Variants in TVP23A observed in about 807,000 individuals in gnomAD.
TVP23A encodes the protein trans-golgi network vesicle protein 23 homolog A.
A neutral mutation model predicts 31.7 loss-of-function variants in TVP23A; 21 were observed. The observed-to-expected ratio is 0.66, with a 90% confidence interval of 0.47 to 0.95. TVP23A has a LOEUF of 0.95. Ranked by LOEUF, TVP23A falls within the 40% of genes least tolerant of loss-of-function variation. The pLI, the probability that TVP23A is intolerant of heterozygous loss-of-function variation, is 0.00. For missense variants in TVP23A, 279 were observed against 255.6 expected (o/e 1.09, Z -0.62); for synonymous variants, 104 against 96.0 (o/e 1.08, Z -0.49).
At chr16:10,789,480 C>T (rs1165948839) in intron 2 of TVP23A, among the ~76,000 whole-genome samples, 2 of 152,008 alleles carry the variant, frequency 1.3e-5, no homozygotes, top group South Asian at 2.1e-4. Flanking sequence ...GGTTGGGGTA[C>T]AGCCTGGTTT....
chr16:10,803,960 T>C (rs150802174), intron 2 of TVP23A, among the ~76,000 whole-genome samples: 2 of 152,240 alleles, frequency 1.3e-5, no homozygotes, highest in Non-Finnish European at 2.9e-5. Flanking sequence ...GGGGTGAATT[T>C]TGAATTCATG....
rs2030985822 is a variant in TVP23A at position 10,767,039 on chromosome 16, T to C, written c.*2063A>G. 1.3e-5 allele frequency: 5 copies of C among 398,516 alleles called. No individual in the cohort carries two copies. Among genetic ancestry groups the C allele is most frequent in the Non-Finnish European group, 2.2e-5 (5 of 226,102 alleles). 24.7% of individuals were successfully genotyped at this position (398,516 alleles called of 1,614,324 possible). A position where few individuals can be genotyped will look rare whatever the true frequency, so the allele number is the denominator to read the frequency against. On this transcript the variant is annotated 3_prime_UTR_variant, in exon 8 of 8. Transcript: ENST00000299866. This position sits in a 1 kb window ranked among gnomAD's most constrained non-coding sequence, Gnocchi z 4.6. The stretch of plus-strand genomic sequence containing the variant: ...TTCCCTGTCCCACAGGGCGACACAG[T>C]AGTGAAGTTGAGGAAATGATGAGTG...
intron 2 of TVP23A, chr16:10,800,185 A>C (rs555534603): frequency 6.6e-6 from 1 of 151,688 alleles, no homozygotes; most frequent in Non-Finnish European, 1.5e-5. Flanking sequence ...GGCCTCCCAA[A>C]GTGTTGGGAT....
chr16:10,774,703 C>G (rs1047349035), intron 3 of TVP23A, among the ~76,000 whole-genome samples: 5 of 151,724 alleles, frequency 3.3e-5, no homozygotes, highest in African/African-American at 1.2e-4. Context: ...CTCCGCCTCC[C>G]GGGTTCAAGT....
chr16:10,762,827 C>T (rs113859632), downstream of TVP23A, among the ~76,000 whole-genome samples: 37 of 143,446 alleles, frequency 2.6e-4, 1 homozygote, highest in African/African-American at 6.9e-4. Context: ...GGGGAGAGGG[C>T]GGGGCCCGTG....
Position 10,818,772 on chromosome 16 carries a change from C to G in TVP23A, c.-279G>C, listed in dbSNP as rs1309836538. 2.1e-6 allele frequency: 1 copy of G among 468,578 alleles called. No individual in the cohort carries two copies. The highest frequency in any genetic ancestry group is 3.7e-6 in the Non-Finnish European group (1 of 269,022). The allele number at this position is 468,578 out of a possible 1,614,324, so 29.0% of individuals were successfully genotyped here. On this transcript the variant is annotated 5_prime_UTR_variant, in exon 1 of 8. Transcript: ENST00000299866. The surrounding 1 kb of genome is among the most constrained non-coding windows in gnomAD (Gnocchi z 4.7). Reference sequence around the variant, plus strand: ...AGGGAGGCAACGGCCTGGGGAACTGCGGACAGAGATAGTGGGAGGAATGGG... The same window carrying G: ...AGGGAGGCAACGGCCTGGGGAACTGGGGACAGAGATAGTGGGAGGAATGGG...
chr16:10,794,560 G>A (rs1440281120), intron 2 of TVP23A, among the ~76,000 whole-genome samples: 1 of 152,224 alleles, frequency 6.6e-6, no homozygotes, highest in East Asian at 1.9e-4. Context: ...GAGGTAGGAA[G>A]AGGACATTGT....
At chr16:10,781,237 G>A (rs2032403029) in intron 2 of TVP23A, among the ~76,000 whole-genome samples, 1 of 151,926 alleles carries the variant, frequency 6.6e-6, no homozygotes, top group African/African-American at 2.4e-5. Flanking sequence ...GCTGAGACAG[G>A]AGGATCGCTT....
intron 4 of TVP23A, 88 bp from the exon 5 acceptor site, chr16:10,773,529 G>T (rs1163311046): frequency 1.4e-6 from 2 of 1,444,894 alleles, no homozygotes; most frequent in African/African-American, 2.9e-5. Context: ...TTATTTTGCA[G>T]ATGCTTTTGT....
Position 10,769,047 on chromosome 16 carries a change from G to A in TVP23A, c.*55C>T, listed in dbSNP as rs1345320299. The A allele has an allele frequency of 1.2e-6, 2 of 1,614,008 alleles. No individual in the cohort carries two copies. Among genetic ancestry groups the A allele is most frequent in the Non-Finnish European group, 1.7e-6 (2 of 1,179,974 alleles). ...CTATGCCTGTCGTCTTGTTTTCCAG[G>A]AATCCAAGAGTTTTGTAATCTCCAT... On this transcript the variant is annotated 3_prime_UTR_variant, in exon 8 of 8. Coordinates refer to ENST00000299866, the MANE Select transcript of TVP23A (RefSeq NM_001079512.4).
intron 2 of TVP23A, among the ~76,000 whole-genome samples, chr16:10,814,468 C>A (rs1596587603): frequency 6.6e-6 from 1 of 152,290 alleles, no homozygotes; most frequent in East Asian, 1.9e-4. Context: ...CCTGTCCCTA[C>A]CCCACATCTT....
At chr16:10,761,868 C>T (rs752587492), downstream of TVP23A, 1 of 1,608,270 alleles carries the variant, frequency 6.2e-7, no homozygotes, top group South Asian at 1.1e-5. Flanking sequence ...AGGTGGGTGA[C>T]CCCAGTGTGG....
intron 2 of TVP23A, among the ~76,000 whole-genome samples, chr16:10,787,107 T>A (rs2032805808): frequency 1.3e-5 from 2 of 152,266 alleles, no homozygotes; most frequent in Admixed American, 1.3e-4. Flanking sequence ...TCCCTGCACC[T>A]GGCCAGCGTG....
rs113504285 is a variant in TVP23A, at chr16:10,809,344, C to T, written c.89+8759G>A. ...CTGCCTGGGAATGACCCTGGCCTCC[C>T]GTAGCACAGAGGCTCCACGAGGACT... On this transcript the variant is annotated intron_variant, in intron 2 of 7. Coordinates refer to ENST00000299866, the MANE Select transcript of TVP23A (RefSeq NM_001079512.4). Among the ~76,000 whole-genome samples, 346 of 152,334 alleles carry T rather than the reference C, an allele frequency of 2.3e-3. 2 individuals carry two copies. The highest frequency in any genetic ancestry group is 7.3e-3 in the African/African-American group (302 of 41,564).
chr16:10,765,793 T>C (rs924498670), downstream of TVP23A, among the ~76,000 whole-genome samples: 7 of 152,210 alleles, frequency 4.6e-5, no homozygotes, highest in Non-Finnish European at 1.0e-4. This position sits in a 1 kb window ranked among gnomAD's most constrained non-coding sequence, Gnocchi z 4.0. Context: ...GAGCCACCAG[T>C]GACAGCTGCG....
downstream of TVP23A, chr16:10,757,786 G>T: frequency 6.6e-7 from 1 of 1,523,204 alleles, no homozygotes; most frequent in South Asian, 1.2e-5. This position sits in a 1 kb window ranked among gnomAD's most constrained non-coding sequence, Gnocchi z 4.1. Flanking sequence ...AACATAGCAA[G>T]ACCCCATCCT....
intron 2 of TVP23A, among the ~76,000 whole-genome samples, chr16:10,813,870 G>A (rs1229450224): frequency 4.0e-5 from 6 of 151,688 alleles, no homozygotes; most frequent in Admixed American, 3.3e-4. Flanking sequence ...GTGGTGGCAC[G>A]CACCTGTAAT....
At position 10,767,881 on chromosome 16, in the gene TVP23A, C is replaced by T; in HGVS notation, c.*1221G>A. ...CCATTGTCACCAGCACGGAAAGAGC[C>T]CCAAGATCTTGTGGCCATTCTGTTT... On this transcript the variant is annotated 3_prime_UTR_variant, in exon 8 of 8. Transcript: ENST00000299866. This position sits in a 1 kb window ranked among gnomAD's most constrained non-coding sequence, Gnocchi z 4.6. 1 of 1,417,078 alleles carries T rather than the reference C, an allele frequency of 7.1e-7. No homozygotes were observed. Among genetic ancestry groups the T allele is most frequent in the South Asian group, 1.1e-5 (1 of 87,048 alleles). 87.8% of individuals were successfully genotyped at this position (1,417,078 alleles called of 1,614,324 possible).
intron 2 of TVP23A, among the ~76,000 whole-genome samples, chr16:10,796,039 A>C (rs2142993855): frequency 6.6e-6 from 1 of 151,930 alleles, no homozygotes; most frequent in South Asian, 2.1e-4. Context: ...CCTGCAAAGC[A>C]AAAAAAATAA....
Sources: allele counts gnomAD v4.1 joint callset (sites outside exome capture counted in the v4.1 genomes callset), GRCh38; gene constraint gnomAD v4.1.1; non-coding constraint Gnocchi (gnomAD v3.1); transcripts MANE v1.5; gene names NCBI Gene and HGNC (gene_info 2026-07-23, HGNC 2026-07-21).